Variants in ZNF174 observed in about 807,000 individuals in gnomAD.
ZNF174 encodes AW-1.
ZNF174 carries 30 observed loss-of-function variants against 38.7 expected under a neutral mutation model. The ratio of observed to expected loss-of-function variants is 0.78; its 90% CI spans 0.58 to 1.05. ZNF174 has a LOEUF of 1.05. Among genes scored for constraint, ZNF174 ranks in the 50% least tolerant of loss-of-function variants. The probability of loss-of-function intolerance (pLI) is 0.00; values close to 1 mark genes in which losing one functional copy is unlikely to be tolerated. For synonymous variants in ZNF174, 201 were observed against 181.7 expected (o/e 1.11, Z -0.86); for missense variants, 499 against 495.6 (o/e 1.01, Z -0.06).
intron 1 of ZNF174, among the ~76,000 whole-genome samples, chr16:3,402,650 G>C (rs940985160): frequency 2.6e-5 from 4 of 151,900 alleles, no homozygotes; most frequent in Admixed American, 6.6e-5. Flanking sequence ...AGTAGAGACA[G>C]GGTTTCACCG....
intron 2 of ZNF174, among the ~76,000 whole-genome samples, chr16:3,406,371 G>A (rs37816): frequency 0.24 from 36,596 of 152,126 alleles, 4,446 homozygotes; most frequent in Non-Finnish European, 0.27. Context: ...GGAACTACCA[G>A]ACTGTTTTCC....
Position 3,409,185 on chromosome 16 carries a change from G to A in ZNF174, c.*266G>A, listed in dbSNP as rs2034094983. On this transcript the variant is annotated 3_prime_UTR_variant, in exon 3 of 3. Transcript: ENST00000268655. ...GCAGAGAGCAAGGAGTAACTACTGA[G>A]AGAGAATCAGGACAATCCTGCAGGT... is the stretch of plus-strand genomic sequence containing the variant. 1.1e-5 allele frequency: 5 copies of A among 450,234 alleles called. No individual in the cohort carries two copies. The South Asian group carries it at 1.5e-4, about 14-fold the overall frequency. The allele number at this position is 450,234 out of a possible 1,614,324, so 27.9% of individuals were successfully genotyped here.
At chr16:3,407,081 C>T (rs534786974) in intron 2 of ZNF174, among the ~76,000 whole-genome samples, 7 of 152,184 alleles carry the variant, frequency 4.6e-5, no homozygotes, top group African/African-American at 1.4e-4. Context: ...ATTTGTTGCT[C>T]ATAGTTCCTG....
Position 3,409,092 on chromosome 16 carries a change from A to AC in ZNF174, c.*175dup. ...CCCAGAAAAGGCCAACCAGGGCCCA[A>AC]CCGTGCATGATGACAGGGTGAAGAG... is the stretch of plus-strand genomic sequence containing the variant. On this transcript the variant is annotated 3_prime_UTR_variant, in exon 3 of 3. Coordinates refer to ENST00000268655, the MANE Select transcript of ZNF174 (RefSeq NM_003450.3). The AC allele has an allele frequency of 1.5e-6, 1 of 683,070 alleles. No individual in the cohort carries two copies. The highest frequency in any genetic ancestry group is 2.5e-6 in the Non-Finnish European group (1 of 406,376). 42.3% of individuals were successfully genotyped at this position (683,070 alleles called of 1,614,324 possible). A position where few individuals can be genotyped will look rare whatever the true frequency, so the allele number is the denominator to read the frequency against.
At chr16:3,403,855 C>T (rs1047826010) in intron 1 of ZNF174, among the ~76,000 whole-genome samples, 2 of 152,168 alleles carry the variant, frequency 1.3e-5, no homozygotes, top group African/African-American at 4.8e-5. Flanking sequence ...TTGCCACTCC[C>T]CGCCCCGAAG....
intron 2 of ZNF174, 81 bp downstream of exon 2, chr16:3,404,729 C>G (rs749188281): frequency 6.4e-7 from 1 of 1,570,172 alleles, no homozygotes; most frequent in Non-Finnish European, 8.7e-7. Context: ...AAGGCATAGA[C>G]CACATGTGTG....
Position 3,402,214 on chromosome 16 carries a change from C to G in ZNF174, c.210C>G (p.Leu70=), listed in dbSNP as rs375696280. The G allele has an allele frequency of 4.9e-5, 79 of 1,614,006 alleles. No individual in the cohort carries two copies. The highest frequency in any genetic ancestry group is 6.5e-5 in the Non-Finnish European group (77 of 1,179,996). Residue 70 remains leucine (L), a synonymous_variant, in exon 1 of 3, where the codon CTC becomes CTG. Transcript: ENST00000268655. ...AGGCTCTCTCCCAGCTCCGACAGCT[C>G]TGCCGTCAGTGGTTGCAACCCGAGC... ...PQEALSQLRQ[L]CRQWLQPELH...
chr16:3,402,450 T>TTTA, intron 1 of ZNF174, 44 bp downstream of exon 1: 13 of 1,456,966 alleles, frequency 8.9e-6, no homozygotes, highest in South Asian at 1.3e-5. Context: ...TTCTTTTTCT[T>TTTA]TTCTTTTTTT....
intron 2 of ZNF174, chr16:3,404,961 C>A: frequency 2.5e-6 from 4 of 1,614,154 alleles, no homozygotes; most frequent in Non-Finnish European, 2.5e-6. Flanking sequence ...AACTTCCATG[C>A]AAGCTATGGC....
At position 3,402,235 on chromosome 16, in the gene ZNF174, C is replaced by A. The variant is rs1465382259; in HGVS notation, c.231C>A (p.Pro77=). The change falls in exon 1 of 3, where the codon CCC becomes CCA. Residue 77 remains proline, a synonymous_variant. Coordinates refer to ENST00000268655, the MANE Select transcript of ZNF174 (RefSeq NM_003450.3). ...AGCTCTGCCGTCAGTGGTTGCAACC[C>A]GAGCTGCACACCAAGGAGCAGATTT... ...LRQLCRQWLQ[P]ELHTKEQILE... The A allele has an allele frequency of 1.2e-6, 2 of 1,613,996 alleles. No homozygotes were observed. Among genetic ancestry groups the A allele is most frequent in the Non-Finnish European group, 1.7e-6 (2 of 1,180,034 alleles).
chr16:3,402,418 C>T lies in ZNF174; in HGVS notation c.402+12C>T. 6.3e-7 allele frequency: 1 copy of T among 1,588,052 alleles called. No homozygotes were observed. On this transcript the variant is annotated intron_variant, in intron 1 of 2. Transcript: ENST00000268655. ...AACCAAAGCAGTGGGTAAGGAGGGT[C>T]CTCTCCCATCATCCTGGGGATTTCT...
In ZNF174 at chr16:3,402,142, C is replaced by T. The variant is rs201330289; in HGVS notation, c.138C>T (p.Arg46=). 2 of 1,614,172 alleles carry T rather than the reference C, an allele frequency of 1.2e-6. No homozygotes were observed. Among genetic ancestry groups the T allele is most frequent in the Admixed American group, 3.3e-5 (2 of 60,018 alleles). Residue 46 remains arginine (R), a synonymous_variant, in exon 1 of 3, where the codon CGC becomes CGT. Transcript: ENST00000268655. ...ACTGCCCAGATCCTGAGCTCTGCCG[C>T]CAGAGCTTCAGACGCTTTTGTTATC... is the stretch of plus-strand genomic sequence containing the variant. ...QKNCPDPELC[R]QSFRRFCYQE...
chr16:3,408,966 C>T lies in ZNF174; in HGVS notation c.*47C>T. 1 of 1,512,820 alleles carries T rather than the reference C, an allele frequency of 6.6e-7. No individual in the cohort carries two copies. 93.7% of individuals were successfully genotyped at this position (1,512,820 alleles called of 1,614,324 possible). The stretch of plus-strand genomic sequence containing the variant: ...ATTCACACGGAAGGTGTTTGTGTTT[C>T]TCCTCCCCCTTACTTGCATGTAAAT... On this transcript the variant is annotated 3_prime_UTR_variant, in exon 3 of 3. Transcript: ENST00000268655.
In ZNF174 at chr16:3,402,124, A is replaced by G. The variant is rs1466011412; in HGVS notation, c.120A>G (p.Pro40=). The G allele has an allele frequency of 6.8e-6, 11 of 1,614,070 alleles. No individual in the cohort carries two copies. The highest frequency in any genetic ancestry group is 3.3e-5 in the South Asian group (3 of 91,088). ...KRGPPLQKNC[P]DPELCRQSFR... is the part of the protein sequence containing the mutation. The stretch of plus-strand genomic sequence containing the variant: ...GCCCTCCTCTGCAAAAAAACTGCCC[A>G]GATCCTGAGCTCTGCCGCCAGAGCT... Residue 40 remains proline, a synonymous_variant, in exon 1 of 3, where the codon CCA becomes CCG. Coordinates refer to ENST00000268655, the MANE Select transcript of ZNF174 (RefSeq NM_003450.3).
chr16:3,409,071 G>C lies in ZNF174; in HGVS notation c.*152G>C. On this transcript the variant is annotated 3_prime_UTR_variant, in exon 3 of 3. Coordinates refer to ENST00000268655, the MANE Select transcript of ZNF174 (RefSeq NM_003450.3). ...GCACATTCTGCTGTGAGGAGGCCCA[G>C]AAAAGGCCAACCAGGGCCCAACCGT... 1.1e-6 allele frequency: 1 copy of C among 883,132 alleles called. No homozygotes were observed. The highest frequency in any genetic ancestry group is 1.7e-5 in the South Asian group (1 of 59,382). The allele number at this position is 883,132 out of a possible 1,614,324, so 54.7% of individuals were successfully genotyped here. A position where few individuals can be genotyped will look rare whatever the true frequency, so the allele number is the denominator to read the frequency against.
intron 2 of ZNF174, among the ~76,000 whole-genome samples, chr16:3,406,752 G>A (rs1325451222): frequency 6.6e-6 from 1 of 151,970 alleles, no homozygotes; most frequent in Non-Finnish European, 1.5e-5. Context: ...GTCCTTTGAC[G>A]CACACGTTTT....
intron 1 of ZNF174, among the ~76,000 whole-genome samples, chr16:3,403,416 C>A (rs576062182): frequency 6.6e-6 from 1 of 151,592 alleles, no homozygotes; most frequent in Non-Finnish European, 1.5e-5. Flanking sequence ...AGTGATCCTC[C>A]CGCCTTGGCC....
Position 3,409,115 on chromosome 16 carries a change from G to A in ZNF174, c.*196G>A, listed in dbSNP as rs2034094161. ...CAACCGTGCATGATGACAGGGTGAA[G>A]AGAAGGCAGGTCTGGGCACTGGGGC... On this transcript the variant is annotated 3_prime_UTR_variant, in exon 3 of 3. Transcript: ENST00000268655. 4 of 612,318 alleles carry A rather than the reference G, an allele frequency of 6.5e-6. No individual in the cohort carries two copies. Among genetic ancestry groups the A allele is most frequent in the East Asian group, 2.8e-5 (1 of 35,918 alleles). The allele number at this position is 612,318 out of a possible 1,614,324, so 37.9% of individuals were successfully genotyped here. A position where few individuals can be genotyped will look rare whatever the true frequency, so the allele number is the denominator to read the frequency against.
rs1310186783 is a variant in ZNF174 at position 3,402,151 on chromosome 16, C to A, written c.147C>A (p.Phe49Leu). Reference protein sequence around the residue: ...CPDPELCRQSFRRFCYQEVSG... With the variant: ...CPDPELCRQSLRRFCYQEVSG... ...ATCCTGAGCTCTGCCGCCAGAGCTT[C>A]AGACGCTTTTGTTATCAAGAGGTGT... Residue 49 changes from phenylalanine (F) to leucine (L), a missense_variant, in exon 1 of 3, where the codon TTC (phenylalanine) becomes TTA (leucine). Coordinates refer to ENST00000268655, the MANE Select transcript of ZNF174 (RefSeq NM_003450.3). 6.2e-7 allele frequency: 1 copy of A among 1,614,194 alleles called. No individual in the cohort carries two copies. Among genetic ancestry groups the A allele is most frequent in the Non-Finnish European group, 8.5e-7 (1 of 1,180,028 alleles).
Sources: gnomAD v4.1 joint callset for allele counts (sites outside exome capture counted in the v4.1 genomes callset) on GRCh38, gnomAD v4.1.1 for gene constraint, MANE v1.5 for transcripts, NCBI Gene and HGNC (gene_info 2026-07-23, HGNC 2026-07-21) for gene names.